Variants in ZFHX3 observed in about 807,000 individuals in gnomAD.
The protein encoded by ZFHX3 is zinc finger homeobox protein 3.
Under a neutral mutation model 279.1 loss-of-function variants are expected in ZFHX3, and 42 were observed. The observed-to-expected ratio is 0.15, with a 90% CI of 0.12 to 0.19. The LOEUF is 0.19. ZFHX3 is among the 10% of genes least tolerant of loss of function. ZFHX3 has a pLI of 1.00. For synonymous variants in ZFHX3, 2,293 were observed against 1,957.8 expected, an observed-to-expected ratio of 1.17 and a Z score of -4.52; for missense variants, 4,981 against 4,754.0, an observed-to-expected ratio of 1.05 and a Z score of -1.40.
intron 4 of ZFHX3, among the ~76,000 whole-genome samples, chr16:73,301,672 A>G (rs2015058633): frequency 6.6e-6 from 1 of 152,132 alleles, no homozygotes; most frequent in Admixed American, 6.5e-5. Flanking sequence ...AAAGAGAGAA[A>G]GATCATTGCC....
At chr16:72,874,420 A>T (rs1650769094) in intron 4 of ZFHX3, among the ~76,000 whole-genome samples, 1 of 151,744 alleles carries the variant, frequency 6.6e-6, no homozygotes. Context: ...GTTAGTCAGG[A>T]TGCGATCTCC....
intron 3 of ZFHX3, among the ~76,000 whole-genome samples, chr16:73,376,549 A>T (rs575288364): frequency 6.6e-6 from 1 of 152,312 alleles, no homozygotes; most frequent in South Asian, 2.1e-4. Flanking sequence ...GCCATCTGGG[A>T]CTTTTTCATG....
chr16:73,491,738 T>A (rs1597356591), intron 2 of ZFHX3, among the ~76,000 whole-genome samples: 1 of 152,282 alleles, frequency 6.6e-6, no homozygotes, highest in East Asian at 1.9e-4. Flanking sequence ...CTTAGCAGTG[T>A]ATAGAGACAT....
At chr16:73,213,396 C>T (rs2012087018) in intron 5 of ZFHX3, among the ~76,000 whole-genome samples, 1 of 152,164 alleles carries the variant, frequency 6.6e-6, no homozygotes, top group East Asian at 1.9e-4. Context: ...ATTTGGCAAA[C>T]AATCACAACT....
At chr16:73,540,803 C>T (rs569638344) in intron 2 of ZFHX3, among the ~76,000 whole-genome samples, 66 of 152,310 alleles carry the variant, frequency 4.3e-4, no homozygotes, top group Admixed American at 1.4e-3. Context: ...GTCACTCTCA[C>T]GCAAAGCCAT....
chr16:73,720,465 T>C (rs974455021), intron 1 of ZFHX3, among the ~76,000 whole-genome samples: 2 of 152,206 alleles, frequency 1.3e-5, no homozygotes, highest in African/African-American at 2.4e-5. Context: ...TAAAATTTGG[T>C]CCATTCATAT....
At chr16:73,880,539 G>C (rs1475343220) in intron 1 of ZFHX3, among the ~76,000 whole-genome samples, 1 of 152,036 alleles carries the variant, frequency 6.6e-6, no homozygotes, top group East Asian at 1.9e-4. Context: ...TTAGAGTCTG[G>C]GGAGACACAG....
chr16:73,691,082 C>G (rs940854748), intron 1 of ZFHX3, among the ~76,000 whole-genome samples: 4 of 152,192 alleles, frequency 2.6e-5, no homozygotes, highest in African/African-American at 9.7e-5. Flanking sequence ...TCTAGCTCAT[C>G]AACATAGATT....
At chr16:73,407,808 A>G (rs1275058165) in intron 3 of ZFHX3, among the ~76,000 whole-genome samples, 1 of 152,236 alleles carries the variant, frequency 6.6e-6, no homozygotes, top group African/African-American at 2.4e-5. Flanking sequence ...AGGTTTGGCC[A>G]GATCTTCCTT....
At chr16:73,151,848 A>G (rs1966949615) in intron 5 of ZFHX3, among the ~76,000 whole-genome samples, 1 of 151,174 alleles carries the variant, frequency 6.6e-6, no homozygotes, top group Non-Finnish European at 1.5e-5. Flanking sequence ...TATTTCCAGC[A>G]TTATATCAGT....
intron 4 of ZFHX3, among the ~76,000 whole-genome samples, chr16:73,309,195 C>A (rs2015265163): frequency 6.6e-6 from 1 of 151,900 alleles, no homozygotes; most frequent in Non-Finnish European, 1.5e-5. Context: ...AGCCTAGTAC[C>A]CCATAGTTGT....
intron 3 of ZFHX3, among the ~76,000 whole-genome samples, chr16:73,355,834 G>C (rs568884246): frequency 2.0e-5 from 3 of 152,322 alleles, no homozygotes; most frequent in Admixed American, 2.0e-4. Flanking sequence ...ACGGTACCAA[G>C]CATAGGGCTT....
chr16:73,539,834 C>A (rs1429147407), intron 2 of ZFHX3, among the ~76,000 whole-genome samples: 1 of 152,102 alleles, frequency 6.6e-6, no homozygotes, highest in East Asian at 1.9e-4. Context: ...CAAATAATAC[C>A]CAAATAAATG....
In ZFHX3 at chr16:72,860,853, G is replaced by A. The variant is rs930183745; in HGVS notation, c.3448+28878C>T. On this transcript the variant is annotated intron_variant, in intron 4 of 9. Coordinates refer to ENST00000268489, the MANE Select transcript of ZFHX3 (RefSeq NM_006885.4). The stretch of plus-strand genomic sequence containing the variant: ...TCGTCTGTCCTTTCTCGATCTTTGC[G>A]CAAGCCTGGCTGTTCCTCTGACAGC... Among the ~76,000 whole-genome samples the A allele has an allele frequency of 1.2e-4, 19 of 152,280 alleles. No individual in the cohort carries two copies. The South Asian group carries it at 3.1e-3, about 25-fold the overall frequency.
At chr16:73,806,689 C>T (rs1007401665) in intron 1 of ZFHX3, among the ~76,000 whole-genome samples, 1 of 152,192 alleles carries the variant, frequency 6.6e-6, no homozygotes, top group African/African-American at 2.4e-5. Flanking sequence ...TCCTTTGCTT[C>T]CTCATTGCTT....
intron 1 of ZFHX3, among the ~76,000 whole-genome samples, chr16:73,782,811 T>C (rs1461505123): frequency 1.3e-5 from 2 of 152,162 alleles, no homozygotes; most frequent in Non-Finnish European, 2.9e-5. Context: ...AATCACTACA[T>C]GGAGCAGACC....
chr16:72,858,881 G>C (rs991529598), intron 4 of ZFHX3, among the ~76,000 whole-genome samples: 8 of 152,228 alleles, frequency 5.3e-5, no homozygotes, highest in Non-Finnish European at 1.2e-4. Context: ...CTCCTGCTCA[G>C]CTTCAGGCCA....
At chr16:72,952,899 G>A (rs915986920) in intron 2 of ZFHX3, among the ~76,000 whole-genome samples, 1 of 152,140 alleles carries the variant, frequency 6.6e-6, no homozygotes, top group Admixed American at 6.5e-5. Flanking sequence ...CTAAACACAC[G>A]TGCACTTGAG....
At position 73,891,387 on chromosome 16, in the gene ZFHX3, T is replaced by C. The variant is rs931041091; in HGVS notation, c.-1608+264A>G. On this transcript the variant is annotated intron_variant, in intron 1 of 17. Transcript: ENST00000641206. The stretch of plus-strand genomic sequence containing the variant: ...CGGCCCAGGCAGTCCTATTTGCATA[T>C]TCACATGAGTTCCGTTCTCAGATTG... Among the ~76,000 whole-genome samples the C allele has an allele frequency of 4.6e-5, 7 of 152,014 alleles. 1 individual carries two copies. The highest frequency in any genetic ancestry group is 8.8e-5 in the Non-Finnish European group (6 of 68,004).
Sources: allele counts gnomAD v4.1 joint callset (sites outside exome capture counted in the v4.1 genomes callset), GRCh38; gene constraint gnomAD v4.1.1; transcripts MANE v1.5; gene names NCBI Gene and HGNC (gene_info 2026-07-23, HGNC 2026-07-21).